The following ARPC1B variants were observed in gnomAD, a reference collection of about 807,000 sequenced individuals.
The protein encoded by ARPC1B is actin related protein 2/3 complex subunit 1B, also known as actin-related protein 2/3 complex subunit 1B.
In ARPC1B, 29 loss-of-function variants were observed where a neutral mutation model predicts 46.0. That is an observed-to-expected ratio of 0.63 (90% CI 0.47 to 0.86). The LOEUF (loss-of-function observed/expected upper bound fraction) is 0.86. ARPC1B is among the 40% of genes least tolerant of loss of function. The probability of loss-of-function intolerance (pLI) is 0.00; values close to 1 mark genes in which losing one functional copy is unlikely to be tolerated. For synonymous variants in ARPC1B, 201 were observed against 213.9 expected (o/e 0.94, Z 0.53); for missense variants, 469 against 529.4 (o/e 0.89, Z 1.12).
rs753952597 is a variant in ARPC1B at position 99,384,954 on chromosome 7, ATTTT to A, written c.-13-722_-13-719del. Among the ~76,000 whole-genome samples, 7 of 67,414 alleles carry A rather than the reference ATTTT, an allele frequency of 1.0e-4. No homozygotes were observed. In the South Asian group the frequency reaches 2.8e-3, roughly 27 times the overall value. 44.2% of individuals were successfully genotyped at this position (67,414 alleles called of 152,430 possible). A position where few individuals can be genotyped will look rare whatever the true frequency, so the allele number is the denominator to read the frequency against. ...AGGCAGGTGCCACCACACCTGGCTAATTTTTTTTTTTTTTTTTTTTTTTTTTTTT... is the reference window on the plus strand; with the variant it reads ...AGGCAGGTGCCACCACACCTGGCTAATTTTTTTTTTTTTTTTTTTTTTTTT... On this transcript the variant is annotated intron_variant, in intron 1 of 9. Coordinates refer to ENST00000646101, the MANE Select transcript of ARPC1B (RefSeq NM_005720.4).
chr7:99,387,180 G>T (rs1794417839), intron 3 of ARPC1B, among the ~76,000 whole-genome samples: 1 of 152,222 alleles, frequency 6.6e-6, no homozygotes, highest in Admixed American at 6.5e-5. Flanking sequence ...AGTGGCTCAT[G>T]CCTGTAATCC....
intron 4 of ARPC1B, chr7:99,388,521 T>C: frequency 2.1e-6 from 1 of 474,162 alleles, no homozygotes; most frequent in South Asian, 2.9e-5. Context: ...AGTCCTGACT[T>C]CCCTGCAGCT....
chr7:99,394,466 T>C lies in ARPC1B; in HGVS notation c.1096T>C (p.Leu366=), dbSNP rs759024145. 7.2e-5 allele frequency: 117 copies of C among 1,613,960 alleles called. No individual in the cohort carries two copies. Among genetic ancestry groups the C allele is most frequent in the Non-Finnish European group, 9.5e-5 (112 of 1,180,008 alleles). ...IWDVKSLESA[L]KDLKIK Reference sequence around the variant, plus strand: ...CTCCCTGCAGAGCTTGGAGTCAGCCTTGAAGGACCTCAAGATCAAATGACC... The same window carrying C: ...CTCCCTGCAGAGCTTGGAGTCAGCCCTGAAGGACCTCAAGATCAAATGACC... The change falls in exon 10 of 10, where the codon TTG becomes CTG. Residue 366 remains leucine, a synonymous_variant. Coordinates refer to ENST00000646101, the MANE Select transcript of ARPC1B (RefSeq NM_005720.4).
In ARPC1B at chr7:99,374,797, G is replaced by C. The variant is rs1793982735; in HGVS notation, c.-14+16G>C. 6.6e-6 allele frequency: 1 copy of C among 152,104 alleles called. No individual in the cohort carries two copies. The highest frequency in any genetic ancestry group is 1.5e-5 in the Non-Finnish European group (1 of 68,178). The allele number at this position is 152,104 out of a possible 1,614,324, so 9.4% of individuals were successfully genotyped here. A position where few individuals can be genotyped will look rare whatever the true frequency, so the allele number is the denominator to read the frequency against. ...GGCGCGGGAGGTGAGGGCCGTGGGG[G>C]CGCCCGGAGGTGGGGGTCAGGGGAG... is the stretch of plus-strand genomic sequence containing the variant. On this transcript the variant is annotated intron_variant, in intron 1 of 9. Coordinates refer to ENST00000646101, the MANE Select transcript of ARPC1B (RefSeq NM_005720.4). This position sits in a 1 kb window ranked among gnomAD's most constrained non-coding sequence, Gnocchi z 5.0.
chr7:99,385,340 C>T (rs891300843), intron 1 of ARPC1B, among the ~76,000 whole-genome samples: 8 of 150,514 alleles, frequency 5.3e-5, no homozygotes, highest in Admixed American at 3.3e-4. Flanking sequence ...ATGAGGAAAC[C>T]GAGGCACAGA....
chr7:99,385,246 G>A (rs1415955958), intron 1 of ARPC1B, among the ~76,000 whole-genome samples: 1 of 150,216 alleles, frequency 6.7e-6, no homozygotes. Context: ...ATGAGCCACC[G>A]GGCCTGGCCT....
At chr7:99,375,610 A>G (rs960114332) in intron 1 of ARPC1B, among the ~76,000 whole-genome samples, 4 of 152,276 alleles carry the variant, frequency 2.6e-5, no homozygotes, top group East Asian at 1.9e-4. Context: ...TCCTCTGCCA[A>G]TGCAGCCCGG....
In ARPC1B at chr7:99,394,441, C is replaced by A; in HGVS notation, c.1081-10C>A. ...CTGAGAACCAGCCTGTCCGTTCTGC[C>A]TCCCTGCAGAGCTTGGAGTCAGCCT... On this transcript the variant is annotated splice_polypyrimidine_tract_variant and intron_variant, in intron 9 of 9. Transcript: ENST00000646101. 6.2e-7 allele frequency: 1 copy of A among 1,612,032 alleles called. No individual in the cohort carries two copies. The highest frequency in any genetic ancestry group is 8.5e-7 in the Non-Finnish European group (1 of 1,178,250).
chr7:99,385,204 C>A (rs1026153837), intron 1 of ARPC1B, among the ~76,000 whole-genome samples: 2 of 151,362 alleles, frequency 1.3e-5, no homozygotes, highest in African/African-American at 2.4e-5. Flanking sequence ...GATCCGCCTG[C>A]CTCGATCTCC....
rs1200395603 is a variant in ARPC1B, at chr7:99,392,856, G to A, written c.969G>A (p.Ser323=). The A allele has an allele frequency of 6.5e-7, 1 of 1,546,684 alleles. No individual in the cohort carries two copies. Among genetic ancestry groups the A allele is most frequent in the Admixed American group, 2.0e-5 (1 of 50,886 alleles). The change falls in exon 8 of 10, where the codon TCG becomes TCA. Residue 323 remains serine, a synonymous_variant. Transcript: ENST00000646101. The part of the protein sequence containing the change: ...GGTAAGAGLD[S]LHKNSVSQIS... ...CGGCTGCGGGCGCGGGCCTAGACTC[G>A]CTGCACAAGAACAGCGTCAGGTGAG... is the stretch of plus-strand genomic sequence containing the variant.
intron 1 of ARPC1B, among the ~76,000 whole-genome samples, chr7:99,382,930 T>C (rs1249011330): frequency 1.4e-5 from 2 of 148,092 alleles, no homozygotes; most frequent in Non-Finnish European, 1.5e-5. Context: ...CTGCGACCTC[T>C]GCCTCTCAGG....
rs375611518 is a variant in ARPC1B at position 99,389,899 on chromosome 7, T to A, written c.393-6T>A. ...CTCTCCCTGTCTGCCTGACCACCGT[T>A]CCCAGGTGGGTTTGCAAGCACATCA... On this transcript the variant is annotated splice_region_variant and splice_polypyrimidine_tract_variant and intron_variant, in intron 4 of 9. Transcript: ENST00000646101. 7.4e-6 allele frequency: 12 copies of A among 1,612,776 alleles called. No homozygotes were observed. Among genetic ancestry groups the A allele is most frequent in the African/African-American group, 1.3e-5 (1 of 74,872 alleles).
rs767480160 is a variant in ARPC1B at position 99,385,756 on chromosome 7, C to T, written c.42C>T (p.His14=). The T allele has an allele frequency of 1.3e-5, 21 of 1,610,848 alleles. No homozygotes were observed. The highest frequency in any genetic ancestry group is 1.6e-4 in the Middle Eastern group (1 of 6,076). The change falls in exon 2 of 10, where the codon CAC becomes CAT. Residue 14 remains histidine, a synonymous_variant. Transcript: ENST00000646101. ...HSFLVEPISC[H]AWNKDRTQIA... ...TCCTGGTGGAGCCCATCAGCTGCCA[C>T]GCCTGGAACAAGGACCGCACCCGTG...
intron 5 of ARPC1B, 27 bp downstream of exon 5, chr7:99,390,039 C>T (rs761322627): frequency 3.8e-6 from 6 of 1,589,936 alleles, no homozygotes; most frequent in East Asian, 2.2e-5. Flanking sequence ...TGGGGGAGGG[C>T]GGGGCTGACG....
At chr7:99,391,379 G>A (rs1794567255) in intron 7 of ARPC1B, 126 bp downstream of exon 7, 6 of 1,034,496 alleles carry the variant, frequency 5.8e-6, no homozygotes, top group Non-Finnish European at 7.1e-6. Flanking sequence ...ATTCTCTCAT[G>A]TACCAGAATT....
chr7:99,391,557 C>A (rs556078870), intron 7 of ARPC1B, among the ~76,000 whole-genome samples: 7 of 152,002 alleles, frequency 4.6e-5, no homozygotes, highest in Admixed American at 2.6e-4. Context: ...CCAGCCCGGG[C>A]AACACAGTGT....
At position 99,388,142 on chromosome 7, in the gene ARPC1B, C is replaced by A. The variant is rs1445247030; in HGVS notation, c.273C>A (p.Val91=). 1.9e-6 allele frequency: 3 copies of A among 1,614,094 alleles called. No individual in the cohort carries two copies. Among genetic ancestry groups the A allele is most frequent in the African/African-American group, 2.7e-5 (2 of 74,942 alleles). ...GCCGCACATGGAAGCCCACGCTGGTCATCCTGCGGATCAACCGGGCTGCCC... is the reference window on the plus strand; with the variant it reads ...GCCGCACATGGAAGCCCACGCTGGTAATCCTGCGGATCAACCGGGCTGCCC... ...LKGRTWKPTL[V]ILRINRAARC... Residue 91 remains valine (V), a synonymous_variant, in exon 4 of 10, where the codon GTC becomes GTA. Transcript: ENST00000646101.
At chr7:99,387,639 A>G (rs1188769514) in intron 3 of ARPC1B, among the ~76,000 whole-genome samples, 1 of 150,232 alleles carries the variant, frequency 6.7e-6, no homozygotes, top group Admixed American at 6.7e-5. Context: ...TGGGAGGCTG[A>G]TATGTGAGAA....
intron 2 of ARPC1B, among the ~76,000 whole-genome samples, chr7:99,386,152 G>A (rs1402502713): frequency 1.3e-5 from 2 of 151,902 alleles, no homozygotes; most frequent in Non-Finnish European, 2.9e-5. Flanking sequence ...TCGGGGGGCT[G>A]AGGCACGAGA....
Sources: allele counts gnomAD v4.1 joint callset (sites outside exome capture counted in the v4.1 genomes callset), GRCh38; gene constraint gnomAD v4.1.1; non-coding constraint Gnocchi (gnomAD v3.1); transcripts MANE v1.5; gene names NCBI Gene and HGNC (gene_info 2026-07-23, HGNC 2026-07-21).